The following RAB3C variants were observed in gnomAD, a reference collection of about 807,000 sequenced individuals.
RAB3C encodes the protein ras-related protein Rab-3C.
Under a neutral mutation model 26.4 loss-of-function variants are expected in RAB3C, and 17 were observed. The ratio of observed to expected loss-of-function variants is 0.64; its 90% confidence interval spans 0.44 to 0.97. The LOEUF (loss-of-function observed/expected upper bound fraction) is 0.97, where lower values mean the gene tolerates loss of function less well. Among genes scored for constraint, RAB3C ranks in the 50% least tolerant of loss-of-function variants. The probability of loss-of-function intolerance (pLI) is 0.00; values close to 1 mark genes in which losing one functional copy is unlikely to be tolerated. For missense variants in RAB3C, 242 were observed against 281.9 expected (o/e 0.86, Z 1.01); for synonymous variants, 91 against 95.9 (o/e 0.95, Z 0.30).
At chr5:58,775,085 C>A (rs1742098510) in intron 3 of RAB3C, among the ~76,000 whole-genome samples, 1 of 152,026 alleles carries the variant, frequency 6.6e-6, no homozygotes, top group African/African-American at 2.4e-5. Flanking sequence ...AAGTGGGAAC[C>A]CTGGTTAGGA....
intron 2 of RAB3C, among the ~76,000 whole-genome samples, chr5:58,639,657 G>A (rs570434927): frequency 6.6e-6 from 1 of 152,152 alleles, no homozygotes; most frequent in South Asian, 2.1e-4. Context: ...GGGGATTAGG[G>A]CTTCAATATA....
At position 58,809,699 on chromosome 5, in the gene RAB3C, C is replaced by T. The variant is rs549244040; in HGVS notation, c.372-15339C>T. Among the ~76,000 whole-genome samples the T allele has an allele frequency of 2.0e-5, 3 of 152,258 alleles. 1 individual carries two copies. The highest frequency in any genetic ancestry group is 7.2e-5 in the African/African-American group (3 of 41,558). ...CATGTGGGTGCCCCCCTGACACACA[C>T]CACTGTGGGATTAGTGCCCTTGTAG... On this transcript the variant is annotated intron_variant, in intron 3 of 4. Transcript: ENST00000282878.
At chr5:58,706,269 G>A (rs949909023) in intron 2 of RAB3C, among the ~76,000 whole-genome samples, 1 of 152,136 alleles carries the variant, frequency 6.6e-6, no homozygotes, top group Non-Finnish European at 1.5e-5. Flanking sequence ...AGCATCGGAA[G>A]TCAGAGTTTG....
chr5:58,806,542 T>C (rs1480513347), intron 3 of RAB3C, among the ~76,000 whole-genome samples: 1 of 152,192 alleles, frequency 6.6e-6, no homozygotes, highest in Non-Finnish European at 1.5e-5. Context: ...AGAAAACCCT[T>C]GGTTCTGTTA....
intron 3 of RAB3C, among the ~76,000 whole-genome samples, chr5:58,761,980 T>G (rs1741805266): frequency 6.6e-6 from 1 of 151,880 alleles, no homozygotes; most frequent in Non-Finnish European, 1.5e-5. Flanking sequence ...AATTTGCTAG[T>G]ATGGCATTGA....
intron 1 of RAB3C, among the ~76,000 whole-genome samples, chr5:58,614,403 A>C (rs1280152617): frequency 6.6e-6 from 1 of 152,074 alleles, no homozygotes; most frequent in Non-Finnish European, 1.5e-5. Context: ...TTATACAAAA[A>C]CACACATACA....
intron 2 of RAB3C, among the ~76,000 whole-genome samples, chr5:58,685,207 G>T (rs1408834245): frequency 6.6e-6 from 1 of 152,038 alleles, no homozygotes; most frequent in Non-Finnish European, 1.5e-5. Context: ...GGGAGTCTTG[G>T]AACATATTTC....
chr5:58,799,086 C>T (rs903159465), intron 3 of RAB3C, among the ~76,000 whole-genome samples: 2 of 152,040 alleles, frequency 1.3e-5, no homozygotes, highest in South Asian at 4.1e-4. Flanking sequence ...ATATGGGGTA[C>T]ATATTCATGT....
rs1247580324 is a variant in RAB3C, at chr5:58,855,619, A to T, written c.*4268A>T. 1 of 152,212 alleles carries T rather than the reference A, an allele frequency of 6.6e-6. No individual in the cohort carries two copies. The highest frequency in any genetic ancestry group is 1.5e-5 in the Non-Finnish European group (1 of 68,038). 9.4% of individuals were successfully genotyped at this position (152,212 alleles called of 1,614,324 possible). ...TTCGCTTTAGTAGTTTGCCTGTAAA[A>T]TGGTGAAGTCTTTCTGATATGCTGA... On this transcript the variant is annotated 3_prime_UTR_variant, in exon 5 of 5. Coordinates refer to ENST00000282878, the MANE Select transcript of RAB3C (RefSeq NM_138453.4).
intron 2 of RAB3C, among the ~76,000 whole-genome samples, chr5:58,664,310 AT>A (rs1305834089): frequency 6.6e-6 from 1 of 152,226 alleles, no homozygotes; most frequent in East Asian, 1.9e-4. Flanking sequence ...TGCACTATTG[AT>A]AACACAGTAA....
intron 2 of RAB3C, among the ~76,000 whole-genome samples, chr5:58,625,300 G>A (rs1347133063): frequency 6.6e-6 from 1 of 152,124 alleles, no homozygotes; most frequent in African/African-American, 2.4e-5. Context: ...AAGACTCAGA[G>A]AGTTTAAATA....
chr5:58,803,100 G>T (rs1466628075), intron 3 of RAB3C, among the ~76,000 whole-genome samples: 1 of 152,212 alleles, frequency 6.6e-6, no homozygotes, highest in Non-Finnish European at 1.5e-5. Flanking sequence ...GCTATGTAGA[G>T]GCTGGGAAAT....
chr5:58,781,485 A>G (rs1228207100), intron 3 of RAB3C, among the ~76,000 whole-genome samples: 1 of 152,038 alleles, frequency 6.6e-6, no homozygotes, highest in African/African-American at 2.4e-5. Flanking sequence ...CTACAGTAGC[A>G]CCATTCTAGA....
At chr5:58,720,472 A>G (rs936208986) in intron 2 of RAB3C, among the ~76,000 whole-genome samples, 3 of 151,890 alleles carry the variant, frequency 2.0e-5, no homozygotes, top group Non-Finnish European at 4.4e-5. Context: ...GGCAAAAGGT[A>G]ACTAGGTATG....
intron 3 of RAB3C, among the ~76,000 whole-genome samples, chr5:58,804,322 T>C (rs1742883670): frequency 6.6e-6 from 1 of 152,188 alleles, no homozygotes; most frequent in Non-Finnish European, 1.5e-5. Flanking sequence ...GTTTTCTTTC[T>C]TGTGTGTTGT....
intron 2 of RAB3C, among the ~76,000 whole-genome samples, chr5:58,684,776 T>C (rs778503890): frequency 1.6e-4 from 24 of 152,196 alleles, no homozygotes; most frequent in Non-Finnish European, 3.1e-4. Flanking sequence ...ATTGTTCAAA[T>C]TGGTGACCAG....
At chr5:58,621,823 G>A (rs430587) in intron 2 of RAB3C, among the ~76,000 whole-genome samples, 35,493 of 151,896 alleles carry the variant, frequency 0.23, 4,283 homozygotes, top group Admixed American at 0.31. Flanking sequence ...TGATCCACTC[G>A]CCTCAGCCTC....
intron 3 of RAB3C, among the ~76,000 whole-genome samples, chr5:58,808,324 C>CACAG (rs1742991501): frequency 6.6e-6 from 1 of 150,958 alleles, no homozygotes; most frequent in African/African-American, 2.4e-5. Flanking sequence ...GAGAATTTGA[C>CACAG]ACAGTACACA....
intron 3 of RAB3C, among the ~76,000 whole-genome samples, chr5:58,809,385 G>GA (rs34954956): frequency 0.018 from 2,025 of 114,952 alleles, 44 homozygotes; most frequent in East Asian, 0.16. Flanking sequence ...CTTTTTCTCA[G>GA]AAAAAAAAAA....
Sources: allele counts gnomAD v4.1 joint callset (sites outside exome capture counted in the v4.1 genomes callset), GRCh38; gene constraint gnomAD v4.1.1; transcripts MANE v1.5; gene names NCBI Gene and HGNC (gene_info 2026-07-23, HGNC 2026-07-21).